The following CLASP1 variants were observed in gnomAD, a reference collection of about 807,000 sequenced individuals.
CLASP1 encodes the protein CLIP-associating protein 1.
CLASP1 carries 38 observed loss-of-function variants against 192.3 expected under a neutral mutation model. The observed-to-expected ratio is 0.20, with a 90% CI of 0.15 to 0.26. CLASP1 has a LOEUF of 0.26. CLASP1 is among the 10% of genes least tolerant of loss of function. The pLI is 1.00. For synonymous variants in CLASP1, 691 were observed against 712.8 expected, an observed-to-expected ratio of 0.97 and a Z score of 0.49; for missense variants, 1,433 against 1,932.5, an observed-to-expected ratio of 0.74 and a Z score of 4.85.
intron 30 of CLASP1, among the ~76,000 whole-genome samples, chr2:121,389,945 T>C (rs976809066): frequency 6.6e-6 from 1 of 151,824 alleles, no homozygotes; most frequent in African/African-American, 2.4e-5. Flanking sequence ...CCAATCATAG[T>C]GCACTGCAGC....
chr2:121,432,172 T>C (rs997808578), intron 19 of CLASP1, among the ~76,000 whole-genome samples: 14 of 152,184 alleles, frequency 9.2e-5, no homozygotes, highest in African/African-American at 3.4e-4. Flanking sequence ...TGGAGTGCAG[T>C]GGTGTGTGAC....
At chr2:121,400,701 T>C (rs975208811) in intron 28 of CLASP1, among the ~76,000 whole-genome samples, 55 of 152,240 alleles carry the variant, frequency 3.6e-4, no homozygotes, top group African/African-American at 1.3e-3. Flanking sequence ...TTAAGGTCCT[T>C]CCATCTTGAA....
At chr2:121,349,890 G>T (rs1424242154) in intron 37 of CLASP1, among the ~76,000 whole-genome samples, 1 of 152,110 alleles carries the variant, frequency 6.6e-6, no homozygotes, top group Non-Finnish European at 1.5e-5. Flanking sequence ...TTGGGCTCAG[G>T]GAGCAGGTCC....
intron 2 of CLASP1, among the ~76,000 whole-genome samples, chr2:121,598,980 C>G (rs2063460634): frequency 6.6e-6 from 1 of 152,172 alleles, no homozygotes; most frequent in African/African-American, 2.4e-5. Context: ...ATTCTCCTGC[C>G]TCAGCCTCCA....
intron 19 of CLASP1, 30 bp downstream of exon 19, chr2:121,447,307 G>C: frequency 6.4e-7 from 1 of 1,565,254 alleles, no homozygotes; most frequent in African/African-American, 1.3e-5. Context: ...GAGCAGTGCA[G>C]GAGGGAAAGG....
chr2:121,395,941 G>C lies in CLASP1; in HGVS notation c.3123+1199C>G, dbSNP rs114140219. 1.3e-3 allele frequency among the ~76,000 whole-genome samples: 197 copies of C among 152,306 alleles called. 1 individual carries two copies. The highest frequency in any genetic ancestry group is 4.4e-3 in the African/African-American group (184 of 41,574). Reference sequence around the variant, plus strand: ...CAGATCAAGACTATATCAGTAGTCTGCATGTCTTGAGATTCATTCCAAGGC... The same window carrying C: ...CAGATCAAGACTATATCAGTAGTCTCCATGTCTTGAGATTCATTCCAAGGC... On this transcript the variant is annotated intron_variant, in intron 30 of 39. Coordinates refer to ENST00000263710, the Ensembl canonical transcript of CLASP1.
intron 2 of CLASP1, among the ~76,000 whole-genome samples, chr2:121,535,722 C>T (rs1161211732): frequency 6.6e-6 from 1 of 151,262 alleles, no homozygotes; most frequent in Non-Finnish European, 1.5e-5. Context: ...GATTTCGGCT[C>T]ACTGCAACCT....
At chr2:121,424,467 T>C (rs1179275051) in intron 22 of CLASP1, among the ~76,000 whole-genome samples, 1 of 152,260 alleles carries the variant, frequency 6.6e-6, no homozygotes, top group Non-Finnish European at 1.5e-5. Context: ...TTTAGATTTT[T>C]TGTATTATAT....
chr2:121,550,880 A>G (rs921194390), intron 2 of CLASP1, among the ~76,000 whole-genome samples: 10 of 152,204 alleles, frequency 6.6e-5, no homozygotes, highest in Non-Finnish European at 1.2e-4. Flanking sequence ...CTAGGCCACC[A>G]TCATACTAAT....
At chr2:121,593,185 A>G (rs922158306) in intron 2 of CLASP1, among the ~76,000 whole-genome samples, 2 of 152,246 alleles carry the variant, frequency 1.3e-5, no homozygotes, top group African/African-American at 4.8e-5. Flanking sequence ...TCACATCTAC[A>G]GTATTCCTGC....
intron 19 of CLASP1, among the ~76,000 whole-genome samples, chr2:121,444,346 A>G (rs559511146): frequency 2.0e-5 from 3 of 152,234 alleles, no homozygotes; most frequent in Non-Finnish European, 4.4e-5. Flanking sequence ...GATGAATGAG[A>G]GTAAATGAAT....
chr2:121,349,901 C>T (rs1178923612), intron 37 of CLASP1, among the ~76,000 whole-genome samples: 2 of 152,192 alleles, frequency 1.3e-5, no homozygotes, highest in Non-Finnish European at 2.9e-5. Context: ...GAGCAGGTCC[C>T]AGTCATGCTA....
rs577359541 is a variant in CLASP1 at position 121,450,546 on chromosome 2, G to C, written c.1523+367C>G. ...GCTTGCAAAGAAGTGACTGCAGGGA[G>C]AGAATTCCCTGTGACCAAGATTTTT... On this transcript the variant is annotated intron_variant, in intron 16 of 39. Transcript: ENST00000263710. Among the ~76,000 whole-genome samples the C allele has an allele frequency of 2.2e-4, 33 of 152,272 alleles. No individual in the cohort carries two copies. The South Asian group carries it at 6.4e-3, about 30-fold the overall frequency.
intron 7 of CLASP1, chr2:121,505,019 G>C (rs1266583508): frequency 4.6e-5 from 7 of 152,128 alleles, no homozygotes; most frequent in Non-Finnish European, 1.0e-4. Context: ...CTTTTTAAAA[G>C]TAACAAAGAT....
rs561493769 is a variant in CLASP1 at position 121,384,858 on chromosome 2, G to A, written c.3374+2264C>T. Among the ~76,000 whole-genome samples, 54 of 152,266 alleles carry A rather than the reference G, an allele frequency of 3.5e-4. 1 individual carries two copies. Among genetic ancestry groups the A allele is most frequent in the Admixed American group, 5.2e-4 (8 of 15,298 alleles). On this transcript the variant is annotated intron_variant, in intron 32 of 39. Coordinates refer to ENST00000263710, the Ensembl canonical transcript of CLASP1. ...ATCATGCCACTGCACTCCAGCCTGG[G>A]TGACAGAGTGAGACTTAATCTCTAA...
At chr2:121,477,332 A>T (rs1162063266) in intron 8 of CLASP1, among the ~76,000 whole-genome samples, 1 of 152,232 alleles carries the variant, frequency 6.6e-6, no homozygotes, top group Non-Finnish European at 1.5e-5. Context: ...CATATGGTTT[A>T]ATTGGATAAT....
intron 2 of CLASP1, among the ~76,000 whole-genome samples, chr2:121,554,999 T>A (rs1447850855): frequency 6.6e-6 from 1 of 152,184 alleles, no homozygotes; most frequent in Non-Finnish European, 1.5e-5. Context: ...ATTTCTTATA[T>A]CTCTATCCAG....
At chr2:121,435,711 T>C (rs1371410020) in intron 19 of CLASP1, among the ~76,000 whole-genome samples, 2 of 152,242 alleles carry the variant, frequency 1.3e-5, no homozygotes, top group Non-Finnish European at 2.9e-5. Flanking sequence ...AACGCAGCCA[T>C]TAAATCACAC....
intron 23 of CLASP1, among the ~76,000 whole-genome samples, chr2:121,414,857 C>T (rs2149531089): frequency 6.6e-6 from 1 of 152,290 alleles, no homozygotes; most frequent in African/African-American, 2.4e-5. Context: ...AATAATGGCT[C>T]TCTGCAGCCT....
Sources: allele counts gnomAD v4.1 joint callset (sites outside exome capture counted in the v4.1 genomes callset), GRCh38; gene constraint gnomAD v4.1.1; transcripts MANE v1.5; gene names NCBI Gene and HGNC (gene_info 2026-07-23, HGNC 2026-07-21).